The following PGCKA1 variants were observed in gnomAD, a reference collection of about 807,000 sequenced individuals.
The protein encoded by PGCKA1 is PDCD10 and GCKIII kinases-associated protein 1.
chr4:37,570,908 A>C, the PGCKA1 span, among the ~76,000 whole-genome samples: 8 of 152,162 alleles, frequency 5.3e-5, no homozygotes, highest in Non-Finnish European at 1.0e-4. Flanking sequence ...CATTTCTCCG[A>C]GCTCCTGCCT....
At chr4:37,530,229 A>G in the PGCKA1 span, among the ~76,000 whole-genome samples, 2 of 152,180 alleles carry the variant, frequency 1.3e-5, no homozygotes, top group Non-Finnish European at 2.9e-5. Flanking sequence ...CTTTTCTATT[A>G]TAAATTTATC....
chr4:37,515,137 T>C, the PGCKA1 span, among the ~76,000 whole-genome samples: 3 of 152,114 alleles, frequency 2.0e-5, no homozygotes, highest in African/African-American at 7.2e-5. Flanking sequence ...CCCTCATGAA[T>C]GGTACTAGTG....
chr4:37,466,572 A>G, the PGCKA1 span, among the ~76,000 whole-genome samples: 1 of 152,180 alleles, frequency 6.6e-6, no homozygotes, highest in Admixed American at 6.5e-5. Flanking sequence ...GAGATCAATT[A>G]AGGGACTATT....
the PGCKA1 span, among the ~76,000 whole-genome samples, chr4:37,552,856 G>C: frequency 6.6e-6 from 1 of 152,096 alleles, no homozygotes; most frequent in African/African-American, 2.4e-5. Context: ...GCCATATTTG[G>C]TCTTCTGGAC....
At chr4:37,474,691 T>G in the PGCKA1 span, among the ~76,000 whole-genome samples, 1 of 152,134 alleles carries the variant, frequency 6.6e-6, no homozygotes, top group Non-Finnish European at 1.5e-5. Context: ...GCACATTAAC[T>G]GAAAGGGTTG....
the PGCKA1 span, among the ~76,000 whole-genome samples, chr4:37,592,338 A>G: frequency 6.9e-6 from 1 of 143,994 alleles, no homozygotes; most frequent in East Asian, 2.0e-4. Flanking sequence ...CAATTTAGCG[A>G]GACCCCATCT....
chr4:37,480,814 A>G, the PGCKA1 span, among the ~76,000 whole-genome samples: 1 of 152,298 alleles, frequency 6.6e-6, no homozygotes, highest in African/African-American at 2.4e-5. Flanking sequence ...TGGAAATGTT[A>G]TTTGTGGTTT....
At chr4:37,524,713 G>T in the PGCKA1 span, among the ~76,000 whole-genome samples, 10 of 152,314 alleles carry the variant, frequency 6.6e-5, no homozygotes, top group South Asian at 2.1e-3. Context: ...AATTTCTTAT[G>T]TGATAGTTTC....
the PGCKA1 span, among the ~76,000 whole-genome samples, chr4:37,557,781 A>T: frequency 6.6e-6 from 1 of 152,216 alleles, no homozygotes; most frequent in Non-Finnish European, 1.5e-5. Flanking sequence ...ATTATTTTAC[A>T]GACTGAAATT....
the PGCKA1 span, among the ~76,000 whole-genome samples, chr4:37,564,870 A>G: frequency 6.6e-6 from 1 of 152,254 alleles, no homozygotes; most frequent in East Asian, 1.9e-4. Flanking sequence ...TTAGAAACAC[A>G]GGCTGTCAGG....
At chr4:37,531,271 A>G in the PGCKA1 span, among the ~76,000 whole-genome samples, 6 of 152,316 alleles carry the variant, frequency 3.9e-5, no homozygotes, top group South Asian at 2.1e-4. Flanking sequence ...TCACATGACT[A>G]TGGTAAAGAC....
chr4:37,479,981 T>G, the PGCKA1 span, among the ~76,000 whole-genome samples: 1 of 152,240 alleles, frequency 6.6e-6, no homozygotes, highest in Non-Finnish European at 1.5e-5. Flanking sequence ...AATTAATTCA[T>G]GAAGTATTTA....
chr4:37,456,804 A>G, the PGCKA1 span, among the ~76,000 whole-genome samples: 1 of 152,186 alleles, frequency 6.6e-6, no homozygotes, highest in Non-Finnish European at 1.5e-5. Flanking sequence ...CTGCAATGAG[A>G]ATGAAACAGG....
At chr4:37,462,469 A>G in the PGCKA1 span, among the ~76,000 whole-genome samples, 1 of 152,180 alleles carries the variant, frequency 6.6e-6, no homozygotes, top group Admixed American at 6.5e-5. Context: ...TTTTTCATAT[A>G]CACTGTGCCA....
chr4:37,569,240 C>T, the PGCKA1 span, among the ~76,000 whole-genome samples: 10 of 151,612 alleles, frequency 6.6e-5, no homozygotes, highest in Admixed American at 6.6e-4. Flanking sequence ...TCTTGTTGCC[C>T]AGGCTGGAGT....
the PGCKA1 span, among the ~76,000 whole-genome samples, chr4:37,532,338 A>G: frequency 6.6e-6 from 1 of 152,190 alleles, no homozygotes; most frequent in South Asian, 2.1e-4. Flanking sequence ...ATTCCAACAT[A>G]TATGTTCTTT....
the PGCKA1 span, among the ~76,000 whole-genome samples, chr4:37,535,951 A>C: frequency 6.6e-6 from 1 of 152,334 alleles, no homozygotes; most frequent in East Asian, 1.9e-4. Context: ...CTGTTAGATG[A>C]GCTTCAAAAT....
chr4:37,473,384 ATGAT>A, the PGCKA1 span, among the ~76,000 whole-genome samples: 2,297 of 152,154 alleles, frequency 0.015, 44 homozygotes, highest in African/African-American at 0.045. Flanking sequence ...ATGTCATTGG[ATGAT>A]TGATTTAGAC....
At chr4:37,563,928 A>C in the PGCKA1 span, among the ~76,000 whole-genome samples, 1 of 152,110 alleles carries the variant, frequency 6.6e-6, no homozygotes, top group Non-Finnish European at 1.5e-5. Context: ...TTTGGTCAAA[A>C]CATTGCCCAT....
Sources: gnomAD v4.1 joint callset for allele counts (sites outside exome capture counted in the v4.1 genomes callset) on GRCh38, gnomAD v4.1.1 for gene constraint, MANE v1.5 for transcripts, NCBI Gene and HGNC (gene_info 2026-07-23, HGNC 2026-07-21) for gene names.